The following DCC variants were observed in gnomAD, a reference collection of about 807,000 sequenced individuals.
DCC encodes DCC netrin 1 receptor.
In DCC, 58 loss-of-function variants were observed where a neutral mutation model predicts 172.5. The ratio of observed to expected loss-of-function variants is 0.34; its 90% CI spans 0.27 to 0.42. The LOEUF is 0.42. DCC is among the 10% of genes least tolerant of loss of function. The probability of loss-of-function intolerance (pLI) is 1.00; values close to 1 mark genes in which losing one functional copy is unlikely to be tolerated. For synonymous variants in DCC, 709 were observed against 644.5 expected, an observed-to-expected ratio of 1.10 and a Z score of -1.52; for missense variants, 1,740 against 1,791.0, an observed-to-expected ratio of 0.97 and a Z score of 0.51.
intron 5 of DCC, among the ~76,000 whole-genome samples, chr18:53,019,260 C>T (rs1374600693): frequency 6.6e-6 from 1 of 152,120 alleles, no homozygotes. Flanking sequence ...GATATCAAGG[C>T]TGAATTTCTC....
At chr18:53,133,521 C>T (rs2144326468) in intron 7 of DCC, among the ~76,000 whole-genome samples, 1 of 152,206 alleles carries the variant, frequency 6.6e-6, no homozygotes, top group Non-Finnish European at 1.5e-5. Flanking sequence ...TGTTTTATTC[C>T]TTTCTTGGGA....
intron 2 of DCC, among the ~76,000 whole-genome samples, chr18:52,875,659 C>T (rs1400073447): frequency 6.6e-6 from 1 of 152,192 alleles, no homozygotes; most frequent in Non-Finnish European, 1.5e-5. Context: ...GAATTCATAA[C>T]AATGCTATGA....
At chr18:53,125,895 G>C (rs8083043) in intron 7 of DCC, among the ~76,000 whole-genome samples, 1 of 151,878 alleles carries the variant, frequency 6.6e-6, no homozygotes, top group African/African-American at 2.4e-5. Flanking sequence ...GTATGAAACA[G>C]ATACATTATA....
intron 7 of DCC, among the ~76,000 whole-genome samples, chr18:53,090,712 A>AAACAAAAAAAAAAAAAAC: frequency 9.3e-6 from 1 of 107,630 alleles, no homozygotes; most frequent in Admixed American, 9.0e-5. Flanking sequence ...AAAAAAAAAA[A>AAACAAAAAAAAAAAAAAC]AAAAAAAAAA....
chr18:53,463,806 G>A (rs2045587258), intron 24 of DCC, among the ~76,000 whole-genome samples: 1 of 152,074 alleles, frequency 6.6e-6, no homozygotes, highest in South Asian at 2.1e-4. Context: ...TACTTTTCTT[G>A]TTTTGCGCCC....
At chr18:52,773,031 G>C (rs1417642191) in intron 2 of DCC, among the ~76,000 whole-genome samples, 1 of 152,172 alleles carries the variant, frequency 6.6e-6, no homozygotes, top group Non-Finnish European at 1.5e-5. Flanking sequence ...GCTATCATAT[G>C]ATGACTCTTC....
At chr18:53,366,278 C>T (rs1242200896) in intron 15 of DCC, among the ~76,000 whole-genome samples, 1 of 152,026 alleles carries the variant, frequency 6.6e-6, no homozygotes, top group Non-Finnish European at 1.5e-5. Flanking sequence ...GAACCCCTGA[C>T]CTCAGGTGAT....
chr18:52,999,751 T>C (rs2041536188), intron 5 of DCC, among the ~76,000 whole-genome samples: 1 of 152,070 alleles, frequency 6.6e-6, no homozygotes, highest in Non-Finnish European at 1.5e-5. Flanking sequence ...CCATAATTTA[T>C]GAAATTATTG....
intron 15 of DCC, among the ~76,000 whole-genome samples, chr18:53,382,373 T>C (rs1459957524): frequency 3.3e-5 from 5 of 152,114 alleles, no homozygotes; most frequent in Non-Finnish European, 7.4e-5. Flanking sequence ...TACTTTTTGA[T>C]CTACCTAATT....
intron 5 of DCC, among the ~76,000 whole-genome samples, chr18:53,035,685 G>T (rs934168547): frequency 1.3e-5 from 2 of 152,068 alleles, no homozygotes; most frequent in South Asian, 4.1e-4. Flanking sequence ...CGCAGCAGGG[G>T]CTGGCTCCAT....
rs574398364 is a variant in DCC, at chr18:52,793,872, G to A, written c.412+41498G>A. 4.6e-5 allele frequency among the ~76,000 whole-genome samples: 7 copies of A among 152,210 alleles called. No homozygotes were observed. The South Asian group carries it at 1.5e-3, about 32-fold the overall frequency. On this transcript the variant is annotated intron_variant, in intron 2 of 28. Coordinates refer to ENST00000442544, the MANE Select transcript of DCC (RefSeq NM_005215.4). ...TGCCTGTGAGCACTTAGTTTTCCCT[G>A]CATCATTATTGAAGAGGGTATTCTT...
At chr18:52,826,224 G>A (rs2038505971) in intron 2 of DCC, among the ~76,000 whole-genome samples, 1 of 152,110 alleles carries the variant, frequency 6.6e-6, no homozygotes, top group Non-Finnish European at 1.5e-5. Flanking sequence ...ATTCTGACAT[G>A]GATCATCTAT....
At chr18:52,403,255 C>T (rs1322250397) in intron 1 of DCC, among the ~76,000 whole-genome samples, 1 of 152,004 alleles carries the variant, frequency 6.6e-6, no homozygotes, top group Non-Finnish European at 1.5e-5. Context: ...AGGCCAGATC[C>T]TGGTGACATA....
intron 5 of DCC, among the ~76,000 whole-genome samples, chr18:52,969,777 T>G (rs1276721829): frequency 6.6e-6 from 1 of 152,146 alleles, no homozygotes; most frequent in African/African-American, 2.4e-5. Context: ...AATTATATTC[T>G]CCACAATCAG....
rs75016470 is a variant in DCC, at chr18:52,776,502, G to A, written c.412+24128G>A. On this transcript the variant is annotated intron_variant, in intron 2 of 28. Coordinates refer to ENST00000442544, the MANE Select transcript of DCC (RefSeq NM_005215.4). ...TTAGGTCAAGAGTTCTAGAGTATCC[G>A]GGTAGCAAGAAAACCAGAAAAGATT... Among the ~76,000 whole-genome samples the A allele has an allele frequency of 3.1e-3, 470 of 152,128 alleles. 1 individual carries two copies. The highest frequency in any genetic ancestry group is 5.0e-3 in the Non-Finnish European group (341 of 68,008).
rs565889335 is a variant in DCC at position 52,833,656 on chromosome 18, A to C, written c.413-72388A>C. Among the ~76,000 whole-genome samples, 323 of 152,182 alleles carry C rather than the reference A, an allele frequency of 2.1e-3. 2 individuals are homozygous for C. Among genetic ancestry groups the C allele is most frequent in the African/African-American group, 7.4e-3 (307 of 41,512 alleles). On this transcript the variant is annotated intron_variant, in intron 2 of 28. Coordinates refer to ENST00000442544, the MANE Select transcript of DCC (RefSeq NM_005215.4). ...AGAACCACCACTACAATCCTTATTA[A>C]ATGTTATATGTTTCTGTTGGGATAT...
intron 5 of DCC, among the ~76,000 whole-genome samples, chr18:52,977,901 G>A (rs1003571519): frequency 2.1e-5 from 3 of 139,932 alleles, no homozygotes; most frequent in Non-Finnish European, 4.7e-5. Context: ...AAAAAGAAAA[G>A]AAAAAAGAAA....
chr18:53,109,977 C>T (rs1015677546), intron 7 of DCC, among the ~76,000 whole-genome samples: 2 of 151,218 alleles, frequency 1.3e-5, no homozygotes, highest in Admixed American at 1.3e-4. Flanking sequence ...AGTGCATATT[C>T]AACTGTAAAC....
intron 1 of DCC, among the ~76,000 whole-genome samples, chr18:52,555,118 T>A: frequency 6.6e-6 from 1 of 152,094 alleles, no homozygotes; most frequent in South Asian, 2.1e-4. Context: ...AGTGTTGTGC[T>A]AGCTGGCTTT....
Sources: allele counts gnomAD v4.1 joint callset (sites outside exome capture counted in the v4.1 genomes callset), GRCh38; gene constraint gnomAD v4.1.1; transcripts MANE v1.5; gene names NCBI Gene and HGNC (gene_info 2026-07-23, HGNC 2026-07-21).